Variants in PAFAH1B2 observed in about 807,000 individuals in gnomAD.
PAFAH1B2 encodes platelet-activating factor acetylhydrolase IB subunit alpha2.
In PAFAH1B2, 8 loss-of-function variants were observed where a neutral mutation model predicts 28.0. That is an observed-to-expected ratio of 0.29 (90% CI 0.17 to 0.52). The LOEUF (loss-of-function observed/expected upper bound fraction) is 0.52, where lower values mean the gene tolerates loss of function less well. Among genes scored for constraint, PAFAH1B2 ranks in the 20% least tolerant of loss-of-function variants. The probability of loss-of-function intolerance (pLI) is 0.97; values close to 1 mark genes in which losing one functional copy is unlikely to be tolerated. For missense variants in PAFAH1B2, 190 were observed against 282.6 expected (o/e 0.67, Z 2.35); for synonymous variants, 104 against 103.2 (o/e 1.01, Z -0.05).
At chr11:117,167,212 C>T (rs1956531085) in intron 5 of PAFAH1B2, among the ~76,000 whole-genome samples, 1 of 152,000 alleles carries the variant, frequency 6.6e-6, no homozygotes, top group African/African-American at 2.4e-5. Context: ...TGAAGAATAC[C>T]AACAGTTAAG....
intron 1 of PAFAH1B2, among the ~76,000 whole-genome samples, chr11:117,146,469 C>T (rs967273916): frequency 2.0e-5 from 3 of 152,118 alleles, no homozygotes; most frequent in Non-Finnish European, 4.4e-5. Context: ...GATAATTCTT[C>T]GTTTCAATTG....
chr11:117,167,009 A>T (rs1161038905), intron 5 of PAFAH1B2, among the ~76,000 whole-genome samples: 2 of 152,202 alleles, frequency 1.3e-5, no homozygotes, highest in Admixed American at 6.5e-5. Context: ...GGGATGTGAG[A>T]CTTGCAGATG....
At chr11:117,166,552 T>C (rs768035116) in intron 5 of PAFAH1B2, among the ~76,000 whole-genome samples, 6 of 152,186 alleles carry the variant, frequency 3.9e-5, no homozygotes, top group Non-Finnish European at 8.8e-5. Flanking sequence ...GACTTTATGG[T>C]GTATTTAAGT....
chr11:117,159,697 T>A, intron 2 of PAFAH1B2: 1 of 435,826 alleles, frequency 2.3e-6, no homozygotes, highest in South Asian at 3.7e-5. Context: ...ATCACGCCAC[T>A]GTACTCCAGC....
downstream of PAFAH1B2, among the ~76,000 whole-genome samples, chr11:117,172,394 ATATATATATATTTTTTT>A (rs1956688378): frequency 1.4e-3 from 3 of 2,148 alleles, no homozygotes; most frequent in Non-Finnish European, 2.0e-3. Flanking sequence ...ATATATATAT[ATATATATATATTTTTTT>A]TTTTTTTTTT....
At chr11:117,167,044 GA>G (rs1230141737) in intron 5 of PAFAH1B2, among the ~76,000 whole-genome samples, 2 of 152,202 alleles carry the variant, frequency 1.3e-5, no homozygotes, top group Non-Finnish European at 2.9e-5. Flanking sequence ...TGATAAAGAG[GA>G]AGAGCATAGT....
chr11:117,174,877 A>G, downstream of PAFAH1B2: 1 of 1,499,970 alleles, frequency 6.7e-7, no homozygotes. Flanking sequence ...GGCCTCCCAA[A>G]GTGCTGGGAT....
intron 1 of PAFAH1B2, among the ~76,000 whole-genome samples, chr11:117,146,589 A>G (rs1467145084): frequency 1.3e-5 from 2 of 152,138 alleles, no homozygotes; most frequent in African/African-American, 4.8e-5. Context: ...GTTACTCTGG[A>G]AGGAAGAAAT....
intron 5 of PAFAH1B2, 27 bp from the exon 6 acceptor site, chr11:117,167,394 A>G (rs776590093): frequency 2.6e-6 from 4 of 1,520,498 alleles, no homozygotes; most frequent in Non-Finnish European, 3.5e-6. Context: ...TGAATCTTCT[A>G]ATTTAATGTT....
chr11:117,159,904 A>G lies in PAFAH1B2; in HGVS notation c.82-30A>G, dbSNP rs1168041699. On this transcript the variant is annotated intron_variant, in intron 2 of 5. Transcript: ENST00000527958. ...CCACACCCAGCCAGAAGTGCCAGTT[A>G]ATAATTTTTTTTTTTCTTCTTCAAA... 2.7e-6 allele frequency: 4 copies of G among 1,475,484 alleles called. No homozygotes were observed. The South Asian group carries it at 3.4e-5, about 12-fold the overall frequency. 91.4% of individuals were successfully genotyped at this position (1,475,484 alleles called of 1,614,324 possible).
chr11:117,144,577 C>T (rs1337891701), intron 1 of PAFAH1B2, among the ~76,000 whole-genome samples, 159 bp downstream of exon 1: 2 of 151,938 alleles, frequency 1.3e-5, no homozygotes, highest in African/African-American at 4.8e-5. Flanking sequence ...CTCGCGAGCG[C>T]GCGCCTTCTC....
At chr11:117,158,654 T>C (rs1956306598) in intron 2 of PAFAH1B2, among the ~76,000 whole-genome samples, 1 of 149,714 alleles carries the variant, frequency 6.7e-6, no homozygotes, top group African/African-American at 2.5e-5. Context: ...TTTTTTTTTT[T>C]TTTTTTTAAG....
At position 117,161,117 on chromosome 11, in the gene PAFAH1B2, A is replaced by G. The variant is rs762060626; in HGVS notation, c.172-28A>G. The G allele has an allele frequency of 6.5e-6, 9 of 1,388,410 alleles. No homozygotes were observed. In the South Asian group the frequency reaches 1.1e-4, roughly 17 times the overall value. The allele number at this position is 1,388,410 out of a possible 1,614,324, so 86.0% of individuals were successfully genotyped here. ...ATTAAACTTTCCCCTAGTTTTAGGTACACTAAATCAAGTTTTTCTTTTTTT... is the reference window on the plus strand; with the variant it reads ...ATTAAACTTTCCCCTAGTTTTAGGTGCACTAAATCAAGTTTTTCTTTTTTT... On this transcript the variant is annotated intron_variant, in intron 3 of 5. Coordinates refer to ENST00000527958, the MANE Select transcript of PAFAH1B2 (RefSeq NM_002572.4).
chr11:117,177,681 C>T (rs1230678387), downstream of PAFAH1B2, among the ~76,000 whole-genome samples: 8 of 152,194 alleles, frequency 5.3e-5, no homozygotes, highest in Admixed American at 2.6e-4. Flanking sequence ...ATTACAGGCA[C>T]GCGTCACCAC....
Position 117,169,251 on chromosome 11 carries a change from C to A in PAFAH1B2, c.*1552C>A. On this transcript the variant is annotated 3_prime_UTR_variant, in exon 6 of 6. Transcript: ENST00000527958. ...GAGGTGTCTTATTAATGTACTTCAT[C>A]TGAGAATTTGTTGATCTTAATGTTC... 9.6e-7 allele frequency: 1 copy of A among 1,037,506 alleles called. No individual in the cohort carries two copies. The highest frequency in any genetic ancestry group is 1.2e-6 in the Non-Finnish European group (1 of 861,836). The allele number at this position is 1,037,506 out of a possible 1,614,324, so 64.3% of individuals were successfully genotyped here. A position where few individuals can be genotyped will look rare whatever the true frequency, so the allele number is the denominator to read the frequency against.
intron 1 of PAFAH1B2, among the ~76,000 whole-genome samples, chr11:117,147,849 C>G (rs1956049929): frequency 6.6e-6 from 1 of 152,164 alleles, no homozygotes; most frequent in African/African-American, 2.4e-5. Flanking sequence ...CCCAGTTCTT[C>G]CTGCCTTGTA....
chr11:117,175,767 C>A, downstream of PAFAH1B2: 1 of 1,073,782 alleles, frequency 9.3e-7, no homozygotes. Context: ...TCACATCTTG[C>A]CCCAAAGTTA....
intron 1 of PAFAH1B2, among the ~76,000 whole-genome samples, chr11:117,148,552 A>C (rs767723572): frequency 4.6e-5 from 7 of 152,160 alleles, no homozygotes; most frequent in Non-Finnish European, 7.4e-5. Flanking sequence ...GGTAAATAGT[A>C]AGTTCTTAAT....
intron 2 of PAFAH1B2, among the ~76,000 whole-genome samples, chr11:117,154,975 A>G (rs1471831136): frequency 6.6e-6 from 1 of 152,058 alleles, no homozygotes; most frequent in East Asian, 1.9e-4. Context: ...TTTGCGTAAT[A>G]AAAAGGTTTT....
Sources: allele counts gnomAD v4.1 joint callset (sites outside exome capture counted in the v4.1 genomes callset), GRCh38; gene constraint gnomAD v4.1.1; transcripts MANE v1.5; gene names NCBI Gene and HGNC (gene_info 2026-07-23, HGNC 2026-07-21).